Variants in ARAP2 observed in about 807,000 individuals in gnomAD.
ARAP2 encodes the protein arf-GAP with Rho-GAP domain, ANK repeat and PH domain-containing protein 2.
Under a neutral mutation model 194.5 loss-of-function variants are expected in ARAP2, and 148 were observed. The ratio of observed to expected loss-of-function variants is 0.76; its 90% CI spans 0.67 to 0.87. The LOEUF (loss-of-function observed/expected upper bound fraction) is 0.87. ARAP2 is among the 40% of genes least tolerant of loss of function. ARAP2 has a pLI of 0.00. For synonymous variants in ARAP2, 695 were observed against 683.5 expected (o/e 1.02, Z -0.26); for missense variants, 2,128 against 1,989.7 (o/e 1.07, Z -1.32).
rs149763681 is a variant in ARAP2 at position 36,019,203 on chromosome 4, A to G, written n.691T>C. ...TAATTATGCTTGGTTCAGTAGTAGA[A>G]TAAGTAGTGAAGTTACAAGGAAGAC... On this transcript the variant is annotated non_coding_transcript_exon_variant, in exon 6 of 13. Coordinates refer to the ARAP2 transcript ENST00000503225. 1.6e-4 allele frequency: 24 copies of G among 149,734 alleles called. No homozygotes were observed. In the East Asian group the frequency reaches 4.4e-3, roughly 28 times the overall value. 9.3% of individuals were successfully genotyped at this position (149,734 alleles called of 1,614,324 possible).
At position 36,124,899 on chromosome 4, in the gene ARAP2, G is replaced by A. The variant is rs746340040; in HGVS notation, c.3709C>T (p.Arg1237Ter). The A allele has an allele frequency of 3.1e-6, 5 of 1,610,578 alleles. No homozygotes were observed. The highest frequency in any genetic ancestry group is 2.7e-5 in the African/African-American group (2 of 74,640). Residue 1237 changes from arginine (R) to a stop codon, truncating the protein, a stop_gained, in exon 22 of 33, where the codon CGA becomes TGA. Transcript: ENST00000303965. LOFTEE classifies it high-confidence loss of function. ...AFIRSLPGVN[R>*]ATLAAIIEHL... ...TCAATGATAGCTGCTAGTGTTGCTC[G>A]GTTGACCCCTGGAAGAGAACGTATA... is the stretch of plus-strand genomic sequence containing the variant.
At chr4:36,124,520 A>G (rs1046296297) in intron 22 of ARAP2, among the ~76,000 whole-genome samples, 3 of 151,924 alleles carry the variant, frequency 2.0e-5, no homozygotes, top group African/African-American at 4.8e-5. Flanking sequence ...GGTAAGATAT[A>G]AACTGATAAT....
intron 2 of ARAP2, among the ~76,000 whole-genome samples, chr4:36,218,804 T>G (rs1163673607): frequency 6.6e-6 from 1 of 152,112 alleles, no homozygotes; most frequent in East Asian, 1.9e-4. Context: ...GAAAGATATA[T>G]TGTACAAGGG....
rs569640541 is a variant in ARAP2 at position 36,177,845 on chromosome 4, C to T, written c.1839G>A (p.Trp613Ter). Residue 613 changes from tryptophan (W) to a stop codon, truncating the protein, a stop_gained, in exon 9 of 33, where the codon TGG (tryptophan) becomes TGA (stop). Transcript: ENST00000303965. LOFTEE classifies it high-confidence loss of function. ...IFTVLSGNSVWLCKNEQDFKS... is the reference protein window; with the variant it reads ...IFTVLSGNSV Reference sequence around the variant, plus strand: ...AGCTCACCTGTTCGTTTTTGCAAAGCCACACACTGTTTCCACTTAACACAG... The same window carrying T: ...AGCTCACCTGTTCGTTTTTGCAAAGTCACACACTGTTTCCACTTAACACAG... The T allele has an allele frequency of 6.2e-7, 1 of 1,607,766 alleles. No homozygotes were observed. The highest frequency in any genetic ancestry group is 1.3e-5 in the African/African-American group (1 of 74,646).
chr4:36,124,800 G>C, intron 22 of ARAP2, 62 bp downstream of exon 22: 1 of 1,034,608 alleles, frequency 9.7e-7, no homozygotes, highest in East Asian at 2.5e-5. Context: ...AATCACATAA[G>C]AAATAATGAC....
intron 5 of ARAP2, among the ~76,000 whole-genome samples, chr4:36,023,632 T>C (rs1717389248): frequency 6.6e-6 from 1 of 152,172 alleles, no homozygotes; most frequent in South Asian, 2.1e-4. Flanking sequence ...TGTTAGTGTT[T>C]TTCCAAATTG....
At chr4:36,140,139 TAC>T (rs66531233) in intron 19 of ARAP2, among the ~76,000 whole-genome samples, 4,074 of 140,420 alleles carry the variant, frequency 0.029, 76 homozygotes, top group African/African-American at 0.048. Context: ...ACAAAAACAA[TAC>T]ACACACACAC....
chr4:36,093,688 C>T (rs1171276784), intron 27 of ARAP2, among the ~76,000 whole-genome samples: 3 of 152,006 alleles, frequency 2.0e-5, no homozygotes, highest in Non-Finnish European at 4.4e-5. Context: ...CGGTGTGTAA[C>T]GCTGAGGTTT....
intron 6 of ARAP2, among the ~76,000 whole-genome samples, chr4:36,195,798 T>A (rs997775392): frequency 6.6e-5 from 10 of 152,222 alleles, no homozygotes; most frequent in African/African-American, 2.4e-4. Flanking sequence ...CTTTTCCTCA[T>A]AGCACTTAAC....
chr4:36,068,295 A>C lies in ARAP2; in HGVS notation c.4744-17T>G. ...TCTTGCACTCTAAAAATAAAATTAA[A>C]TGTCTCACAGGGAAGCAAGATTTGG... is the stretch of plus-strand genomic sequence containing the variant. On this transcript the variant is annotated splice_polypyrimidine_tract_variant and intron_variant, in intron 32 of 32. Coordinates refer to ENST00000303965, the MANE Select transcript of ARAP2 (RefSeq NM_015230.4). The C allele has an allele frequency of 1.3e-6, 2 of 1,507,212 alleles. No individual in the cohort carries two copies. Among genetic ancestry groups the C allele is most frequent in the Admixed American group, 2.3e-5 (1 of 42,842 alleles). 93.4% of individuals were successfully genotyped at this position (1,507,212 alleles called of 1,614,324 possible). A position where few individuals can be genotyped will look rare whatever the true frequency, so the allele number is the denominator to read the frequency against.
intron 3 of ARAP2, among the ~76,000 whole-genome samples, chr4:36,049,591 T>C (rs1471980815): frequency 6.6e-6 from 1 of 152,224 alleles, no homozygotes; most frequent in Non-Finnish European, 1.5e-5. Context: ...TTTCAAAATA[T>C]GCTGTTTGCA....
At chr4:36,218,084 T>C (rs999134316) in intron 2 of ARAP2, among the ~76,000 whole-genome samples, 9 of 152,124 alleles carry the variant, frequency 5.9e-5, no homozygotes, top group Admixed American at 2.6e-4. Context: ...ATTATATAGC[T>C]GTAGTAATTA....
chr4:36,173,002 G>A (rs951411681), intron 9 of ARAP2, among the ~76,000 whole-genome samples: 1 of 152,068 alleles, frequency 6.6e-6, no homozygotes. Flanking sequence ...TTATGTTGGG[G>A]GGGAATGAGG....
rs1475585332 is a variant in ARAP2, at chr4:36,193,492, C to A, written c.1557+86G>T. ...TTCTTTTCATGTTGAGAATCTACCT[C>A]CTATTCTTAAAAACCAAACTGCTTG... On this transcript the variant is annotated intron_variant, in intron 7 of 32. Transcript: ENST00000303965. The A allele has an allele frequency of 1.5e-5, 11 of 724,916 alleles. No individual in the cohort carries two copies. In the East Asian group the frequency reaches 3.1e-4, roughly 20 times the overall value. 44.9% of individuals were successfully genotyped at this position (724,916 alleles called of 1,614,324 possible). A position where few individuals can be genotyped will look rare whatever the true frequency, so the allele number is the denominator to read the frequency against.
chr4:36,148,366 C>A (rs752868390), intron 17 of ARAP2, 39 bp downstream of exon 17: 11 of 1,497,056 alleles, frequency 7.3e-6, no homozygotes, highest in Non-Finnish European at 1.0e-5. Context: ...AGTTCACAAT[C>A]TTCTCTGGAT....
At chr4:36,190,275 C>G (rs1741583810) in intron 7 of ARAP2, among the ~76,000 whole-genome samples, 1 of 152,188 alleles carries the variant, frequency 6.6e-6, no homozygotes, top group Non-Finnish European at 1.5e-5. Context: ...TAACAGCAAC[C>G]TGGATTTTTC....
chr4:36,061,557 T>G (rs1170611042), downstream of ARAP2, among the ~76,000 whole-genome samples: 4 of 152,242 alleles, frequency 2.6e-5, no homozygotes, highest in Non-Finnish European at 4.4e-5. Context: ...CCACATTTTC[T>G]TTATCGATTC....
Position 36,229,487 on chromosome 4 carries a change from A to T in ARAP2, c.-1T>A. 6.3e-7 allele frequency: 1 copy of T among 1,597,918 alleles called. No individual in the cohort carries two copies. Among genetic ancestry groups the T allele is most frequent in the East Asian group, 2.2e-5 (1 of 44,690 alleles). On this transcript the variant is annotated 5_prime_UTR_variant, in exon 2 of 33. Coordinates refer to ENST00000303965, the MANE Select transcript of ARAP2 (RefSeq NM_015230.4). Reference sequence around the variant, plus strand: ...CATTTACTTCACTGACTGAGGACATAATGGTGGCTTCATTACTAAGCTGAG... The same window carrying T: ...CATTTACTTCACTGACTGAGGACATTATGGTGGCTTCATTACTAAGCTGAG...
At chr4:36,021,109 T>G (rs1452613470) in intron 5 of ARAP2, among the ~76,000 whole-genome samples, 1 of 152,218 alleles carries the variant, frequency 6.6e-6, no homozygotes, top group Non-Finnish European at 1.5e-5. Flanking sequence ...TGAATTGTGC[T>G]TATGCAGCTA....
Sources: gnomAD v4.1 joint callset for allele counts (sites outside exome capture counted in the v4.1 genomes callset) on GRCh38, gnomAD v4.1.1 for gene constraint, MANE v1.5 for transcripts, NCBI Gene and HGNC (gene_info 2026-07-23, HGNC 2026-07-21) for gene names.